TRIM66: variants seen among roughly 807,000 people sequenced by gnomAD.
TRIM66 encodes the protein tripartite motif-containing protein 66.
In TRIM66, 99 loss-of-function variants were observed where a neutral mutation model predicts 148.2. That is an observed-to-expected ratio of 0.67 (90% CI 0.57 to 0.79). The LOEUF (loss-of-function observed/expected upper bound fraction) is 0.79. Among genes scored for constraint, TRIM66 ranks in the 30% least tolerant of loss-of-function variants. The pLI is 0.00. For synonymous variants in TRIM66, 616 were observed against 635.9 expected (o/e 0.97, Z 0.47); for missense variants, 1,666 against 1,697.9 (o/e 0.98, Z 0.33).
chr11:8,665,326 A>G (rs2038520616), intron 6 of TRIM66, among the ~76,000 whole-genome samples: 1 of 152,200 alleles, frequency 6.6e-6, no homozygotes, highest in Admixed American at 6.5e-5. Flanking sequence ...CTTTCATCAG[A>G]CAGCTGATTT....
Position 8,681,442 on chromosome 11 carries a change from G to A in TRIM66, c.-548+1159C>T, listed in dbSNP as rs972759215. On this transcript the variant is annotated intron_variant, in intron 1 of 24. Coordinates refer to ENST00000646038, the MANE Select transcript of TRIM66 (RefSeq NM_001388022.1). ...GCCACCACGCCCGGCCAGAATTTTG[G>A]ATATTTTAGCTAAAATATATTTTAG... Among the ~76,000 whole-genome samples, 6 of 152,050 alleles carry A rather than the reference G, an allele frequency of 3.9e-5. No homozygotes were observed. In the South Asian group the frequency reaches 1.2e-3, roughly 32 times the overall value.
chr11:8,639,624 C>T (rs2036193227), intron 14 of TRIM66, among the ~76,000 whole-genome samples: 1 of 152,224 alleles, frequency 6.6e-6, no homozygotes, highest in African/African-American at 2.4e-5. Context: ...CCTTCTCTAG[C>T]TCCCACTTAT....
At chr11:8,673,021 G>C in intron 4 of TRIM66, among the ~76,000 whole-genome samples, 1 of 147,878 alleles carries the variant, frequency 6.8e-6, no homozygotes. Flanking sequence ...CTCACTGCAA[G>C]CTCCACCTCC....
intron 6 of TRIM66, among the ~76,000 whole-genome samples, chr11:8,665,633 C>T (rs541368476): frequency 6.6e-6 from 1 of 152,244 alleles, no homozygotes; most frequent in South Asian, 2.1e-4. Flanking sequence ...AAATACCACA[C>T]CACATAGGGT....
chr11:8,654,310 T>A (rs951849474), intron 6 of TRIM66: 4 of 152,258 alleles, frequency 2.6e-5, no homozygotes, highest in African/African-American at 9.6e-5. Flanking sequence ...ACATCTCTGC[T>A]ATCTCTTGAA....
chr11:8,659,994 C>T (rs562972391), intron 6 of TRIM66, among the ~76,000 whole-genome samples: 5 of 152,108 alleles, frequency 3.3e-5, no homozygotes, highest in Non-Finnish European at 5.9e-5. Context: ...CCTCCTGCCT[C>T]GGCCTCCCAA....
At chr11:8,674,772 T>C (rs182896767) in intron 4 of TRIM66, 34 bp downstream of exon 4, 1 of 152,304 alleles carries the variant, frequency 6.6e-6, no homozygotes, top group African/African-American at 2.4e-5. Flanking sequence ...CCCTTTAACA[T>C]CTGGCTTAAT....
intron 15 of TRIM66, among the ~76,000 whole-genome samples, chr11:8,632,943 T>C (rs574650970): frequency 6.6e-6 from 1 of 152,254 alleles, no homozygotes; most frequent in East Asian, 1.9e-4. Context: ...AAGTGAAAAG[T>C]GCCCAGTGCC....
Position 8,640,424 on chromosome 11 carries a change from C to G in TRIM66, c.1951G>C (p.Asp651His). 6.4e-7 allele frequency: 1 copy of G among 1,551,746 alleles called. No individual in the cohort carries two copies. The highest frequency in any genetic ancestry group is 2.4e-5 in the East Asian group (1 of 40,894). Residue 651 changes from aspartate to histidine, a missense_variant, in exon 14 of 25, where the codon GAC (aspartate) becomes CAC (histidine). Asp to His is a moderately conservative substitution (Grantham distance 81). Around this residue, in one of 3 missense-constraint regions of TRIM66, gnomAD observed 1,431 missense variants for 1,412.4 expected, o/e 1.01. Transcript: ENST00000646038. ...AGCTCAAACTTGTGATGCATTATGTCCATGTTCTGAGAACAGGCAGGGCCA... is the reference window on the plus strand; with the variant it reads ...AGCTCAAACTTGTGATGCATTATGTGCATGTTCTGAGAACAGGCAGGGCCA... ...PPGPACSQNMDIMHHKFELEE... is the reference protein window; with the variant it reads ...PPGPACSQNMHIMHHKFELEE...
chr11:8,649,615 C>G, intron 8 of TRIM66, 125 bp downstream of exon 8: 1 of 1,320,212 alleles, frequency 7.6e-7, no homozygotes, highest in Non-Finnish European at 1.0e-6. Flanking sequence ...TTGGGAAAGG[C>G]TCTGAGACTG....
upstream of TRIM66, chr11:8,682,931 G>T: frequency 1.5e-6 from 2 of 1,370,278 alleles, no homozygotes; most frequent in Non-Finnish European, 2.0e-6. Flanking sequence ...GGCTGCGCAT[G>T]GCCGCCTGCG....
chr11:8,659,260 C>T (rs1205381674), intron 6 of TRIM66, among the ~76,000 whole-genome samples: 3 of 151,930 alleles, frequency 2.0e-5, no homozygotes, highest in Non-Finnish European at 4.4e-5. Flanking sequence ...AAAAGGCAGC[C>T]CAAAAAGTTT....
At chr11:8,644,348 C>T in intron 12 of TRIM66, 1 of 436,092 alleles carries the variant, frequency 2.3e-6, no homozygotes, top group African/African-American at 2.0e-5. Context: ...TGTCATCTTT[C>T]TCTTCCACTG....
Position 8,640,545 on chromosome 11 carries a change from G to A in TRIM66, c.1830C>T (p.Pro610=), listed in dbSNP as rs1339252175. Residue 610 remains proline, a synonymous_variant, in exon 14 of 25, where the codon CCC becomes CCT. Transcript: ENST00000646038. Reference sequence around the variant, plus strand: ...GAGGGGGAAGGGGAGGTGGGGGATGGGGGAGGGGTGGTGGTGGAGGTGGTA... The same window carrying A: ...GAGGGGGAAGGGGAGGTGGGGGATGAGGGAGGGGTGGTGGTGGAGGTGGTA... The part of the protein sequence containing the change: ...QQLPPPPPPL[P]HPPPPLPPPP... 1 of 1,532,122 alleles carries A rather than the reference G, an allele frequency of 6.5e-7. No individual in the cohort carries two copies. The highest frequency in any genetic ancestry group is 8.8e-7 in the Non-Finnish European group (1 of 1,133,736). 94.9% of individuals were successfully genotyped at this position (1,532,122 alleles called of 1,614,324 possible). A position where few individuals can be genotyped will look rare whatever the true frequency, so the allele number is the denominator to read the frequency against.
Position 8,641,904 on chromosome 11 carries a change from T to A in TRIM66, c.1223-752A>T, listed in dbSNP as rs1027155894. Among the ~76,000 whole-genome samples, 5 of 152,174 alleles carry A rather than the reference T, an allele frequency of 3.3e-5. No homozygotes were observed. In the East Asian group the frequency reaches 7.7e-4, roughly 23 times the overall value. On this transcript the variant is annotated intron_variant, in intron 13 of 24. Coordinates refer to ENST00000646038, the MANE Select transcript of TRIM66 (RefSeq NM_001388022.1). ...TGATGTGCGTCTTCACCTTCTGTCA[T>A]GATTGTAAGTTTCCTGAGGCCTCCC...
chr11:8,622,744 G>A (rs960282204), intron 18 of TRIM66, 72 bp downstream of exon 18: 66 of 1,372,070 alleles, frequency 4.8e-5, no homozygotes, highest in Non-Finnish European at 6.7e-5. Context: ...CATCAAGGAT[G>A]CTTCATCCCT....
chr11:8,653,917 G>A (rs1288297545), intron 6 of TRIM66, among the ~76,000 whole-genome samples: 1 of 152,068 alleles, frequency 6.6e-6, no homozygotes, highest in East Asian at 1.9e-4. Context: ...GGCCAGAGGT[G>A]GAGAAGGATG....
rs1193173976 is a variant in TRIM66, at chr11:8,617,494, T to C, written c.*450A>G. The C allele has an allele frequency of 6.2e-6, 1 of 161,374 alleles. No homozygotes were observed. Among genetic ancestry groups the C allele is most frequent in the African/African-American group, 2.4e-5 (1 of 41,676 alleles). 10.0% of individuals were successfully genotyped at this position (161,374 alleles called of 1,614,324 possible). On this transcript the variant is annotated 3_prime_UTR_variant, in exon 25 of 25. Transcript: ENST00000646038. ...GTCTTTGGCTGTGCTGGGCCAGGGA[T>C]CACAGTCCTGCCATATGTCTAAACC...
intron 22 of TRIM66, 29 bp downstream of exon 22, chr11:8,620,021 A>C (rs2034053658): frequency 1.9e-6 from 3 of 1,543,728 alleles, no homozygotes; most frequent in African/African-American, 2.7e-5. Context: ...TGCAAGGAGA[A>C]GGTGAGAGAA....
Sources: allele counts gnomAD v4.1 joint callset (sites outside exome capture counted in the v4.1 genomes callset), GRCh38; gene constraint gnomAD v4.1.1; regional missense constraint gnomAD v4.1.1; transcripts MANE v1.5; gene names NCBI Gene and HGNC (gene_info 2026-07-23, HGNC 2026-07-21).